The following FKBP6 variants were observed in gnomAD, a reference collection of about 807,000 sequenced individuals.
The protein encoded by FKBP6 is inactive peptidyl-prolyl cis-trans isomerase FKBP6.
FKBP6 carries 29 observed loss-of-function variants against 41.7 expected under a neutral mutation model. That is an observed-to-expected ratio of 0.70 (90% CI 0.52 to 0.95). FKBP6 has a LOEUF of 0.95. FKBP6 is among the 40% of genes least tolerant of loss of function. The pLI is 0.00. For missense variants in FKBP6, 338 were observed against 408.7 expected (o/e 0.83, Z 1.49); for synonymous variants, 130 against 165.1 (o/e 0.79, Z 1.63).
intron 8 of FKBP6, among the ~76,000 whole-genome samples, chr7:73,350,533 T>G (rs1288389839): frequency 1.3e-5 from 2 of 151,952 alleles, no homozygotes; most frequent in Non-Finnish European, 2.9e-5. Context: ...TTGAGGAAAT[T>G]CCCCCCTCCT....
intron 4 of FKBP6, 94 bp from the exon 5 acceptor site, chr7:73,331,563 G>A (rs1804842685): frequency 2.3e-6 from 3 of 1,291,206 alleles, no homozygotes; most frequent in Admixed American, 1.7e-5. Flanking sequence ...GCCCAGGCTG[G>A]TCTCGAACTC....
chr7:73,350,442 A>G (rs1805457439), intron 8 of FKBP6, among the ~76,000 whole-genome samples: 1 of 152,100 alleles, frequency 6.6e-6, no homozygotes, highest in South Asian at 2.1e-4. Flanking sequence ...TGATGCCTGA[A>G]GCCTCAAACA....
At chr7:73,329,087 G>A (rs1804740788) in intron 2 of FKBP6, among the ~76,000 whole-genome samples, 1 of 152,174 alleles carries the variant, frequency 6.6e-6, no homozygotes, top group Non-Finnish European at 1.5e-5. Context: ...TTACAAGCAT[G>A]AGCCGCTGCT....
intron 5 of FKBP6, among the ~76,000 whole-genome samples, chr7:73,334,972 G>A (rs954376374): frequency 8.5e-5 from 13 of 152,296 alleles, no homozygotes; most frequent in African/African-American, 3.1e-4. Context: ...TCTAGCAGCA[G>A]AAGGGAAGAA....
intron 8 of FKBP6, among the ~76,000 whole-genome samples, chr7:73,352,434 T>C (rs1554551280): frequency 6.6e-6 from 1 of 152,148 alleles, no homozygotes; most frequent in Admixed American, 6.6e-5. Flanking sequence ...GTACAGGTAG[T>C]GAGTGAAAGA....
intron 8 of FKBP6, among the ~76,000 whole-genome samples, chr7:73,354,199 G>A (rs1053390767): frequency 2.0e-5 from 3 of 152,190 alleles, no homozygotes; most frequent in African/African-American, 7.2e-5. Flanking sequence ...TGGAAAGGGT[G>A]GGCTCCAGAC....
chr7:73,331,571 C>G (rs1365999446), intron 4 of FKBP6, 86 bp from the exon 5 acceptor site: 2 of 1,425,030 alleles, frequency 1.4e-6, no homozygotes, highest in Non-Finnish European at 2.0e-6. Context: ...TGGTCTCGAA[C>G]TCCTGGGCTC....
At position 73,338,628 on chromosome 7, in the gene FKBP6, TCAC is replaced by T. The variant is rs548698910; in HGVS notation, c.589-2007_589-2005del. Among the ~76,000 whole-genome samples the T allele has an allele frequency of 8.5e-5, 13 of 152,350 alleles. No homozygotes were observed. In the East Asian group the frequency reaches 2.3e-3, roughly 27 times the overall value. ...CGAAGCTTCCAATTTCTCCACATCT[TCAC>T]CAACACTTATTTTATATTTTTAAAG... On this transcript the variant is annotated intron_variant, in intron 5 of 8. Coordinates refer to ENST00000252037, the MANE Select transcript of FKBP6 (RefSeq NM_003602.5).
In FKBP6 at chr7:73,329,350, T is replaced by C. The variant is rs1583793913; in HGVS notation, c.176-10T>C. Reference sequence around the variant, plus strand: ...GGTCCATTTTCCTTACATTCTTTCTTCTATCCTAGTGAAATACTCGGGATA... The same window carrying C: ...GGTCCATTTTCCTTACATTCTTTCTCCTATCCTAGTGAAATACTCGGGATA... On this transcript the variant is annotated splice_polypyrimidine_tract_variant and intron_variant, in intron 2 of 8. Coordinates refer to ENST00000252037, the MANE Select transcript of FKBP6 (RefSeq NM_003602.5). 3 of 1,541,170 alleles carry C rather than the reference T, an allele frequency of 1.9e-6. No individual in the cohort carries two copies. The highest frequency in any genetic ancestry group is 2.7e-5 in the African/African-American group (2 of 73,616).
At chr7:73,336,791 T>C (rs1554548608) in intron 5 of FKBP6, 1 of 456,618 alleles carries the variant, frequency 2.2e-6, no homozygotes, top group Non-Finnish European at 4.4e-6. Context: ...GCTGAACCTG[T>C]TAACAGGGTC....
chr7:73,346,250 C>T (rs557688536), intron 8 of FKBP6, among the ~76,000 whole-genome samples: 4 of 152,314 alleles, frequency 2.6e-5, no homozygotes, highest in South Asian at 4.1e-4. Context: ...CCGCGTGGCC[C>T]GCCTTCACAC....
intron 5 of FKBP6, among the ~76,000 whole-genome samples, chr7:73,338,533 A>G (rs972372304): frequency 6.6e-6 from 1 of 152,196 alleles, no homozygotes; most frequent in South Asian, 2.1e-4. Context: ...GGAACTGTCA[A>G]AATTTTTGAG....
At chr7:73,342,613 G>T (rs1554549745) in intron 7 of FKBP6, among the ~76,000 whole-genome samples, 194 bp from the exon 8 acceptor site, 2 of 152,176 alleles carry the variant, frequency 1.3e-5, no homozygotes, top group African/African-American at 2.4e-5. Context: ...TTTGTCCAGG[G>T]GCTTGGCTCC....
At chr7:73,342,450 A>C (rs1805218481) in intron 7 of FKBP6, among the ~76,000 whole-genome samples, 1 of 152,224 alleles carries the variant, frequency 6.6e-6, no homozygotes, top group East Asian at 1.9e-4. Context: ...GGTATTTAAA[A>C]GTATCCTGTC....
Position 73,328,588 on chromosome 7 carries a change from G to A in FKBP6, c.71G>A (p.Arg24Gln), listed in dbSNP as rs1327774155. 51 of 1,603,450 alleles carry A rather than the reference G, an allele frequency of 3.2e-5. No individual in the cohort carries two copies. Among genetic ancestry groups the A allele is most frequent in the Non-Finnish European group, 3.8e-5 (44 of 1,172,996 alleles). ...ATTCTCCATCAGTCCCTGTACGAGC[G>A]GTTAAGTCAGAGGATGCTGGACATC... ...DDAPGQSLYE[R>Q]LSQRMLDISG... is the part of the protein sequence containing the mutation. The change falls in exon 2 of 9, where the codon CGG becomes CAG. Residue 24 changes from arginine to glutamine, a missense_variant. Coordinates refer to ENST00000252037, the MANE Select transcript of FKBP6 (RefSeq NM_003602.5).
At chr7:73,341,177 GC>G (rs1215464484) in intron 6 of FKBP6, 95 bp from the exon 7 acceptor site, 1 of 885,714 alleles carries the variant, frequency 1.1e-6, no homozygotes, top group African/African-American at 1.6e-5. Context: ...GCCCGCCTTG[GC>G]CTCCCAAAGT....
chr7:73,329,880 G>A (rs1222252404), intron 3 of FKBP6: 8 of 561,092 alleles, frequency 1.4e-5, no homozygotes, highest in Non-Finnish European at 2.6e-5. Flanking sequence ...TGTTGTGGGT[G>A]TGCTTAATGA....
intron 8 of FKBP6, among the ~76,000 whole-genome samples, chr7:73,356,884 G>T (rs1168735857): frequency 6.6e-6 from 1 of 151,896 alleles, no homozygotes; most frequent in Non-Finnish European, 1.5e-5. Flanking sequence ...GGGTTCAAGC[G>T]ATTCTCCTGC....
At chr7:73,346,868 C>T (rs1478045368) in intron 8 of FKBP6, among the ~76,000 whole-genome samples, 3 of 152,204 alleles carry the variant, frequency 2.0e-5, no homozygotes, top group Non-Finnish European at 2.9e-5. Flanking sequence ...ATGCCCTAAC[C>T]GAAGTTACTG....
Sources: gnomAD v4.1 joint callset for allele counts (sites outside exome capture counted in the v4.1 genomes callset) on GRCh38, gnomAD v4.1.1 for gene constraint, MANE v1.5 for transcripts, NCBI Gene and HGNC (gene_info 2026-07-23, HGNC 2026-07-21) for gene names.